Variants in MYO3B observed in about 807,000 individuals in gnomAD.
MYO3B encodes myosin-IIIb.
MYO3B carries 156 observed loss-of-function variants against 174.6 expected under a neutral mutation model. The ratio of observed to expected loss-of-function variants is 0.89; its 90% CI spans 0.78 to 1.02. The LOEUF is 1.02. MYO3B is among the 50% of genes least tolerant of loss of function. The pLI is 0.00. For synonymous variants in MYO3B, 563 were observed against 569.1 expected, an observed-to-expected ratio of 0.99 and a Z score of 0.15; for missense variants, 1,632 against 1,639.4, an observed-to-expected ratio of 1.00 and a Z score of 0.08.
At chr2:170,393,500 C>A (rs572888360) in intron 16 of MYO3B, among the ~76,000 whole-genome samples, 3 of 151,970 alleles carry the variant, frequency 2.0e-5, no homozygotes, top group African/African-American at 7.3e-5. Flanking sequence ...TACATTATGT[C>A]ATAGTTTCTG....
chr2:170,330,737 C>T (rs556158793), intron 7 of MYO3B, among the ~76,000 whole-genome samples: 53 of 152,196 alleles, frequency 3.5e-4, no homozygotes, highest in Non-Finnish European at 5.3e-4. Flanking sequence ...AGGGACCTGG[C>T]GACATTTGGG....
intron 25 of MYO3B, among the ~76,000 whole-genome samples, chr2:170,478,328 C>T (rs975904257): frequency 3.3e-5 from 5 of 151,894 alleles, no homozygotes; most frequent in African/African-American, 7.3e-5. Flanking sequence ...TAATTGAATG[C>T]GGGAGTGATT....
chr2:170,285,271 G>C (rs925031850), intron 7 of MYO3B, among the ~76,000 whole-genome samples: 1 of 151,946 alleles, frequency 6.6e-6, no homozygotes, highest in Non-Finnish European at 1.5e-5. Context: ...CATTCCAAAG[G>C]GTTTTTTTTG....
At chr2:170,322,160 T>C (rs2032961) in intron 7 of MYO3B, among the ~76,000 whole-genome samples, 138,579 of 150,030 alleles carry the variant, frequency 0.92, 64,420 homozygotes, top group East Asian at 1. Flanking sequence ...TATAGCACAG[T>C]TCCTCCACCT....
At chr2:170,590,871 C>T (rs950593107) in intron 32 of MYO3B, among the ~76,000 whole-genome samples, 2 of 152,036 alleles carry the variant, frequency 1.3e-5, no homozygotes, top group Admixed American at 6.6e-5. Flanking sequence ...CAGGGAGAAA[C>T]GTTTGGCCGC....
At chr2:170,208,241 G>A (rs2092734457) in intron 3 of MYO3B, among the ~76,000 whole-genome samples, 1 of 152,186 alleles carries the variant, frequency 6.6e-6, no homozygotes, top group South Asian at 2.1e-4. Context: ...ATGTGCCTCG[G>A]AGAAGGGGTG....
At chr2:170,318,631 A>G (rs1284984148) in intron 7 of MYO3B, among the ~76,000 whole-genome samples, 1 of 152,208 alleles carries the variant, frequency 6.6e-6, no homozygotes, top group African/African-American at 2.4e-5. Flanking sequence ...AGTAAGAGTC[A>G]TATATAAGAG....
At chr2:170,605,558 A>G (rs756507242) in intron 32 of MYO3B, among the ~76,000 whole-genome samples, 68 of 152,052 alleles carry the variant, frequency 4.5e-4, no homozygotes, top group Non-Finnish European at 5.7e-4. Context: ...TCCTGTTTTA[A>G]TAAGTGGCAT....
At chr2:170,618,656 G>A (rs563872491) in intron 32 of MYO3B, among the ~76,000 whole-genome samples, 8 of 152,200 alleles carry the variant, frequency 5.3e-5, no homozygotes, top group Non-Finnish European at 7.4e-5. Flanking sequence ...GGGGGTCACC[G>A]CCTTCTGGTC....
chr2:170,290,800 GTTTTACTCT>G (rs1242931041), intron 7 of MYO3B, among the ~76,000 whole-genome samples: 1 of 151,100 alleles, frequency 6.6e-6, no homozygotes, highest in African/African-American at 2.4e-5. Flanking sequence ...CTGATAGTAT[GTTTTACTCT>G]TTTGCTTTTT....
At chr2:170,465,099 C>T (rs1337289744) in intron 24 of MYO3B, among the ~76,000 whole-genome samples, 3 of 152,010 alleles carry the variant, frequency 2.0e-5, no homozygotes, top group African/African-American at 7.3e-5. Flanking sequence ...TCTCGAACTC[C>T]TGACCTTAGG....
At chr2:170,532,505 A>T (rs1689415661) in intron 30 of MYO3B, among the ~76,000 whole-genome samples, 1 of 152,198 alleles carries the variant, frequency 6.6e-6, no homozygotes. Context: ...ACACTGAAGT[A>T]TTTAGGGATA....
At chr2:170,557,358 C>T (rs1691399905) in intron 32 of MYO3B, among the ~76,000 whole-genome samples, 1 of 151,906 alleles carries the variant, frequency 6.6e-6, no homozygotes, top group South Asian at 2.1e-4. Flanking sequence ...CCAGGATGGT[C>T]TCCATCTCCT....
intron 32 of MYO3B, among the ~76,000 whole-genome samples, chr2:170,632,043 C>G (rs536149821): frequency 6.0e-5 from 9 of 149,380 alleles, no homozygotes; most frequent in African/African-American, 1.8e-4. Context: ...TAGTGGGAGA[C>G]TTTAACACCC....
intron 1 of MYO3B, among the ~76,000 whole-genome samples, chr2:170,193,626 A>G (rs2092566563): frequency 6.6e-6 from 1 of 152,082 alleles, no homozygotes. Context: ...ATGTGTGTTC[A>G]TATGAGTAAG....
At chr2:170,232,786 C>G (rs2105289617) in intron 6 of MYO3B, among the ~76,000 whole-genome samples, 1 of 152,338 alleles carries the variant, frequency 6.6e-6, no homozygotes, top group Admixed American at 6.5e-5. Flanking sequence ...TCATGCCAGA[C>G]TAATGAGTAC....
intron 32 of MYO3B, among the ~76,000 whole-genome samples, chr2:170,575,184 T>C (rs1469813501): frequency 6.6e-6 from 1 of 152,200 alleles, no homozygotes; most frequent in Non-Finnish European, 1.5e-5. Context: ...TAGGGCACTA[T>C]TAAAATCATG....
chr2:170,308,090 T>C (rs1318757526), intron 7 of MYO3B, among the ~76,000 whole-genome samples: 1 of 152,174 alleles, frequency 6.6e-6, no homozygotes, highest in African/African-American at 2.4e-5. Context: ...TCAATAAATA[T>C]TTATTGAGTC....
intron 16 of MYO3B, among the ~76,000 whole-genome samples, chr2:170,398,523 G>T (rs1283281114): frequency 6.6e-6 from 1 of 152,006 alleles, no homozygotes; most frequent in African/African-American, 2.4e-5. Context: ...CCAAAAGTTC[G>T]AACTCTCTAA....
Sources: gnomAD v4.1 joint callset for allele counts (sites outside exome capture counted in the v4.1 genomes callset) on GRCh38, gnomAD v4.1.1 for gene constraint, MANE v1.5 for transcripts, NCBI Gene and HGNC (gene_info 2026-07-23, HGNC 2026-07-21) for gene names.